Variants in PPP1R13L observed in about 807,000 individuals in gnomAD.
PPP1R13L encodes the protein protein phosphatase 1 regulatory subunit 13 like.
In PPP1R13L, 50 loss-of-function variants were observed where a neutral mutation model predicts 80.9. The observed-to-expected ratio is 0.62, with a 90% CI of 0.49 to 0.78. PPP1R13L has a LOEUF of 0.78. Among genes scored for constraint, PPP1R13L ranks in the 30% least tolerant of loss-of-function variants. The pLI is 0.00. For missense variants in PPP1R13L, 1,200 were observed against 1,205.9 expected (o/e 1.00, Z 0.07); for synonymous variants, 602 against 534.3 (o/e 1.13, Z -1.75).
At chr19:45,405,575 G>T (rs1037961146), upstream of PPP1R13L, among the ~76,000 whole-genome samples, 3 of 152,244 alleles carry the variant, frequency 2.0e-5, no homozygotes, top group African/African-American at 7.2e-5. Context: ...GCCCGCAGGG[G>T]CTGCACCCCG....
At chr19:45,405,596 C>A (rs1254894809), upstream of PPP1R13L, among the ~76,000 whole-genome samples, 1 of 152,240 alleles carries the variant, frequency 6.6e-6, no homozygotes, top group African/African-American at 2.4e-5. Flanking sequence ...GTGTCTCTCT[C>A]GCCCACGCGA....
At chr19:45,381,937 C>CTCAAA (rs1972769732) in intron 12 of PPP1R13L, among the ~76,000 whole-genome samples, 1 of 151,374 alleles carries the variant, frequency 6.6e-6, no homozygotes, top group Non-Finnish European at 1.5e-5. Flanking sequence ...AAGACTCCAT[C>CTCAAA]TCAAATAAAT....
chr19:45,385,596 G>A lies in PPP1R13L; in HGVS notation c.2214C>T (p.Arg738=). 3 of 1,613,068 alleles carry A rather than the reference G, an allele frequency of 1.9e-6. No homozygotes were observed. The highest frequency in any genetic ancestry group is 2.2e-5 in the East Asian group (1 of 44,878). ...AGGTGGCGCAGTCAGCATAACCCTC[G>A]CGGTAAGGGTCGCACTTCTCGAAGG... ...ATAFEKCDPY[R]EGYADCATYL... is the part of the protein sequence containing the mutation. Residue 738 remains arginine, a synonymous_variant, in exon 11 of 13, where the codon CGC becomes CGT. Transcript: ENST00000360957.
Position 45,380,221 on chromosome 19 carries a change from G to A in PPP1R13L, c.2456C>T (p.Pro819Leu). 6.2e-7 allele frequency: 1 copy of A among 1,613,970 alleles called. No individual in the cohort carries two copies. Among genetic ancestry groups the A allele is most frequent in the South Asian group, 1.1e-5 (1 of 91,064 alleles). Reference protein sequence around the residue: ...YVPRNYFGLFPRVKPQRSKV With the variant: ...YVPRNYFGLFLRVKPQRSKV ...TTTACTCCTTTGAGGCTTCACCCTGGGGAACAGCTGGGGAGAGACAGGATC... is the reference window on the plus strand; with the variant it reads ...TTTACTCCTTTGAGGCTTCACCCTGAGGAACAGCTGGGGAGAGACAGGATC... The change falls in exon 13 of 13, where the codon CCC becomes CTC. Residue 819 changes from proline (P) to leucine (L), a missense_variant. Physicochemically the swap from Pro to Leu is moderately conservative, Grantham distance 98 (BLOSUM62 -3). This residue lies in a region of PPP1R13L where 165 missense variants were observed against 177.1 expected (regional missense o/e 0.93). Coordinates refer to ENST00000360957, the MANE Select transcript of PPP1R13L (RefSeq NM_006663.4).
upstream of PPP1R13L, among the ~76,000 whole-genome samples, chr19:45,406,047 G>A (rs1420094538): frequency 6.6e-6 from 1 of 152,162 alleles, no homozygotes; most frequent in Non-Finnish European, 1.5e-5. This position sits in a 1 kb window ranked among gnomAD's most constrained non-coding sequence, Gnocchi z 4.2. Flanking sequence ...ACCACTCCAC[G>A]CGTGTGGGGC....
intron 12 of PPP1R13L, among the ~76,000 whole-genome samples, chr19:45,382,003 G>A (rs796802759): frequency 6.6e-6 from 1 of 152,052 alleles, no homozygotes; most frequent in African/African-American, 2.4e-5. Flanking sequence ...CACTTTGGGA[G>A]ACCAAGGCAG....
At chr19:45,405,407 G>A (rs1197545613), upstream of PPP1R13L, among the ~76,000 whole-genome samples, 1 of 152,168 alleles carries the variant, frequency 6.6e-6, no homozygotes, top group African/African-American at 2.4e-5. Flanking sequence ...GGGTCTCTGA[G>A]CCCGAATCTC....
chr19:45,389,360 C>CG (rs1972926023), intron 8 of PPP1R13L, among the ~76,000 whole-genome samples: 1 of 152,148 alleles, frequency 6.6e-6, no homozygotes. Context: ...TCTACGCACA[C>CG]GGAGTGTTCA....
intron 1 of PPP1R13L, among the ~76,000 whole-genome samples, chr19:45,403,563 C>A (rs1041634042): frequency 6.6e-6 from 1 of 152,112 alleles, no homozygotes; most frequent in Non-Finnish European, 1.5e-5. Context: ...TTTCTCCACT[C>A]GTAATGAGGA....
At chr19:45,390,744 G>A (rs1000972415) in intron 8 of PPP1R13L, among the ~76,000 whole-genome samples, 3 of 152,044 alleles carry the variant, frequency 2.0e-5, no homozygotes, top group African/African-American at 4.8e-5. Flanking sequence ...CCACCGCTCC[G>A]GGCTAATTTT....
Position 45,396,749 on chromosome 19 carries a change from C to T in PPP1R13L, c.508G>A (p.Gly170Ser). The T allele has an allele frequency of 7.3e-7, 1 of 1,361,342 alleles. No homozygotes were observed. Among genetic ancestry groups the T allele is most frequent in the East Asian group, 3.0e-5 (1 of 33,632 alleles). The allele number at this position is 1,361,342 out of a possible 1,614,324, so 84.3% of individuals were successfully genotyped here. The change falls in exon 4 of 13, where the codon GGT (glycine) becomes AGT (serine). Residue 170 changes from glycine (G) to serine (S), a missense_variant. Gly to Ser is a moderately conservative substitution (Grantham distance 56, BLOSUM62 0). This residue lies in a region of PPP1R13L where 764 missense variants were observed against 714.5 expected (regional missense o/e 1.07). Transcript: ENST00000360957. This position sits in a 1 kb window ranked among gnomAD's most constrained non-coding sequence, Gnocchi z 5.3. ...RPGPGPLRQQ[G>S]PPTPFDFLGR... ...AGGAAGTCGAAAGGCGTGGGGGGAC[C>T]CTGCTGGCGGAGCGGGCCTGGCCCG...
chr19:45,388,611 T>A (rs1972912223), intron 8 of PPP1R13L, among the ~76,000 whole-genome samples: 1 of 152,092 alleles, frequency 6.6e-6, no homozygotes, highest in Admixed American at 6.6e-5. Flanking sequence ...TATCAGTGCA[T>A]GAATTTGTGA....
rs186947980 is a variant in PPP1R13L, at chr19:45,402,971, T to C, written c.-22+2028A>G. On this transcript the variant is annotated intron_variant, in intron 1 of 12. Transcript: ENST00000360957. ...CAGCCCTGTCGGGTCACACTGAATCTGGAGAGGCTCCACTGTCTCTGGGAC... is the reference window on the plus strand; with the variant it reads ...CAGCCCTGTCGGGTCACACTGAATCCGGAGAGGCTCCACTGTCTCTGGGAC... Among the ~76,000 whole-genome samples the C allele has an allele frequency of 1.4e-4, 22 of 152,282 alleles. No homozygotes were observed. In the East Asian group the frequency reaches 2.5e-3, roughly 17 times the overall value.
At chr19:45,389,122 C>T (rs1386293246) in intron 8 of PPP1R13L, among the ~76,000 whole-genome samples, 1 of 152,132 alleles carries the variant, frequency 6.6e-6, no homozygotes, top group Non-Finnish European at 1.5e-5. Context: ...GTGACACTAG[C>T]GTTTGATTCT....
At chr19:45,392,654 G>A (rs778610487) in intron 7 of PPP1R13L, 3 of 455,992 alleles carry the variant, frequency 6.6e-6, no homozygotes, top group Admixed American at 6.7e-5. Context: ...GAGAGGACAA[G>A]TCAGTTGCCC....
upstream of PPP1R13L, chr19:45,405,153 C>A: frequency 1.9e-6 from 1 of 539,276 alleles, no homozygotes; most frequent in Non-Finnish European, 2.4e-6. Context: ...GAGCCAAGGT[C>A]GCCTCGAGCA....
rs1973108090 is a variant in PPP1R13L, at chr19:45,396,772, CCGGGCCG to C, written c.478_484del (p.Arg160GlyfsTer62). On this transcript the variant is annotated frameshift_variant, in exon 4 of 13. Coordinates refer to ENST00000360957, the MANE Select transcript of PPP1R13L (RefSeq NM_006663.4). LOFTEE classifies it high-confidence loss of function. The surrounding 1 kb of genome is among the most constrained non-coding windows in gnomAD (Gnocchi z 5.3). ...ACCCTGCTGGCGGAGCGGGCCTGGC[CCGGGCCG>C]CGGGGAGGGCGCACGGCCGAGGGAG... 1.5e-6 allele frequency: 2 copies of C among 1,356,126 alleles called. No individual in the cohort carries two copies. The highest frequency in any genetic ancestry group is 1.9e-6 in the Non-Finnish European group (2 of 1,064,994). The allele number at this position is 1,356,126 out of a possible 1,614,324, so 84.0% of individuals were successfully genotyped here.
At position 45,396,055 on chromosome 19, in the gene PPP1R13L, C is replaced by CG; in HGVS notation, c.903+112dup. 1 of 1,337,334 alleles carries CG rather than the reference C, an allele frequency of 7.5e-7. No individual in the cohort carries two copies. Among genetic ancestry groups the CG allele is most frequent in the Admixed American group, 2.2e-5 (1 of 46,176 alleles). The allele number at this position is 1,337,334 out of a possible 1,614,324, so 82.8% of individuals were successfully genotyped here. A position where few individuals can be genotyped will look rare whatever the true frequency, so the allele number is the denominator to read the frequency against. The stretch of plus-strand genomic sequence containing the variant: ...GCACAGTGAAGGGAGAGCGTGGGAA[C>CG]GGGCGCCGAGACCCAGATCGCAGCC... On this transcript the variant is annotated intron_variant, in intron 6 of 12. Transcript: ENST00000360957. The surrounding 1 kb of genome is among the most constrained non-coding windows in gnomAD (Gnocchi z 5.3).
Position 45,382,617 on chromosome 19 carries a change from G to C in PPP1R13L, c.2358C>G (p.Thr786=), listed in dbSNP as rs370015920. Residue 786 remains threonine, a synonymous_variant, in exon 12 of 13, where the codon ACC becomes ACG. Transcript: ENST00000360957. ...ELSFREGESV[T]VLRRDGPEET... is the part of the protein sequence containing the mutation. ...CCTCCGGCCCGTCCCTCCGCAGCAC[G>C]GTGACCGACTCGCCCTCGCGGAAGG... is the stretch of plus-strand genomic sequence containing the variant. 2.0e-5 allele frequency: 32 copies of C among 1,613,644 alleles called. No individual in the cohort carries two copies. Among genetic ancestry groups the C allele is most frequent in the Non-Finnish European group, 2.5e-5 (30 of 1,180,034 alleles).
Sources: gnomAD v4.1 joint callset for allele counts (sites outside exome capture counted in the v4.1 genomes callset) on GRCh38, gnomAD v4.1.1 for gene constraint, gnomAD v4.1.1 regional missense constraint, Gnocchi (gnomAD v3.1) non-coding constraint, MANE v1.5 for transcripts, NCBI Gene and HGNC (gene_info 2026-07-23, HGNC 2026-07-21) for gene names.